NRG3: variants seen among roughly 807,000 people sequenced by gnomAD.
NRG3 encodes pro-neuregulin-3, membrane-bound isoform.
A neutral mutation model predicts 66.9 loss-of-function variants in NRG3; 31 were observed. That is an observed-to-expected ratio of 0.46 (90% CI 0.35 to 0.63). The LOEUF (loss-of-function observed/expected upper bound fraction) is 0.63, where lower values mean the gene tolerates loss of function less well. Among genes scored for constraint, NRG3 ranks in the 20% least tolerant of loss-of-function variants. The probability of loss-of-function intolerance (pLI) is 0.00; values close to 1 mark genes in which losing one functional copy is unlikely to be tolerated. For missense variants in NRG3, 910 were observed against 878.9 expected (o/e 1.04, Z -0.45); for synonymous variants, 393 against 359.4 (o/e 1.09, Z -1.06).
At chr10:82,339,296 C>T (rs2082555891) in intron 1 of NRG3, among the ~76,000 whole-genome samples, 1 of 152,068 alleles carries the variant, frequency 6.6e-6, no homozygotes, top group South Asian at 2.1e-4. Flanking sequence ...GAAGAAATAC[C>T]TGAGACTGGG....
At chr10:82,103,808 CA>C (rs1259829548) in intron 1 of NRG3, among the ~76,000 whole-genome samples, 3 of 151,902 alleles carry the variant, frequency 2.0e-5, no homozygotes, top group Non-Finnish European at 4.4e-5. Flanking sequence ...CTGCCACTAC[CA>C]TTATCATCAC....
intron 2 of NRG3, among the ~76,000 whole-genome samples, chr10:82,534,614 C>T (rs561858521): frequency 6.6e-6 from 1 of 151,954 alleles, no homozygotes; most frequent in African/African-American, 2.4e-5. Flanking sequence ...ATCAAATAGC[C>T]AAATCAATCT....
chr10:82,220,283 T>G (rs569381666), intron 1 of NRG3, among the ~76,000 whole-genome samples: 7 of 152,132 alleles, frequency 4.6e-5, no homozygotes, highest in Non-Finnish European at 8.8e-5. Flanking sequence ...TTAAGGCACC[T>G]AACAATACAG....
At chr10:82,842,225 T>A (rs1261859369) in intron 3 of NRG3, among the ~76,000 whole-genome samples, 1 of 152,122 alleles carries the variant, frequency 6.6e-6, no homozygotes, top group Non-Finnish European at 1.5e-5. Context: ...CACTCCAGCC[T>A]GGGCAACAAA....
chr10:82,150,190 A>C (rs1202606753), intron 1 of NRG3, among the ~76,000 whole-genome samples: 1 of 152,138 alleles, frequency 6.6e-6, no homozygotes, highest in Admixed American at 6.5e-5. Context: ...GATGGATCAG[A>C]GGCTAGGCCA....
intron 1 of NRG3, among the ~76,000 whole-genome samples, chr10:82,119,659 A>G (rs546992611): frequency 1.3e-5 from 2 of 152,264 alleles, no homozygotes; most frequent in African/African-American, 4.8e-5. Context: ...CAAATGATAC[A>G]TAGCTGCCAA....
intron 2 of NRG3, among the ~76,000 whole-genome samples, chr10:82,558,151 G>A (rs1431894188): frequency 6.6e-6 from 1 of 152,178 alleles, no homozygotes; most frequent in African/African-American, 2.4e-5. Flanking sequence ...GAAGGGTGTG[G>A]CCATCTTGAG....
chr10:82,439,433 G>C (rs1279547606), intron 2 of NRG3, among the ~76,000 whole-genome samples: 1 of 151,862 alleles, frequency 6.6e-6, no homozygotes, highest in African/African-American at 2.4e-5. Flanking sequence ...TCTTTTGAGA[G>C]GGGGACAATG....
chr10:82,091,797 C>T (rs916989783), intron 1 of NRG3, among the ~76,000 whole-genome samples: 7 of 152,162 alleles, frequency 4.6e-5, no homozygotes, highest in East Asian at 1.9e-4. Context: ...AATTTCTCCA[C>T]GTTCTCACCG....
chr10:81,972,628 A>G (rs1027023167), intron 1 of NRG3, among the ~76,000 whole-genome samples: 1 of 152,198 alleles, frequency 6.6e-6, no homozygotes, highest in African/African-American at 2.4e-5. Context: ...AACTAATAGA[A>G]ACTATCATGA....
intron 1 of NRG3, among the ~76,000 whole-genome samples, chr10:82,019,896 A>C (rs1216949015): frequency 1.3e-5 from 2 of 151,806 alleles, no homozygotes; most frequent in Non-Finnish European, 2.9e-5. Context: ...CAGCTCCTTG[A>C]TTCATTGATT....
At chr10:82,799,085 G>C (rs1392920081) in intron 3 of NRG3, among the ~76,000 whole-genome samples, 2 of 152,170 alleles carry the variant, frequency 1.3e-5, no homozygotes, top group African/African-American at 2.4e-5. Flanking sequence ...ATAATTTATT[G>C]AGTACCTGCT....
intron 2 of NRG3, among the ~76,000 whole-genome samples, chr10:82,401,854 G>A (rs1021839075): frequency 4.0e-5 from 6 of 151,848 alleles, no homozygotes; most frequent in East Asian, 1.9e-4. Flanking sequence ...ATCAGATATC[G>A]TAATTAATTT....
At chr10:82,597,731 G>A (rs949444772) in intron 2 of NRG3, among the ~76,000 whole-genome samples, 3 of 152,018 alleles carry the variant, frequency 2.0e-5, no homozygotes, top group Non-Finnish European at 4.4e-5. Context: ...GACCATCCTG[G>A]CCAACATGGT....
chr10:82,586,387 G>T (rs1003463730), intron 2 of NRG3, among the ~76,000 whole-genome samples: 2 of 152,142 alleles, frequency 1.3e-5, no homozygotes, highest in Non-Finnish European at 2.9e-5. Flanking sequence ...TCCCAAAATG[G>T]CCTTGAAAGG....
intron 2 of NRG3, among the ~76,000 whole-genome samples, chr10:82,630,058 G>T (rs1167696981): frequency 6.6e-6 from 1 of 152,142 alleles, no homozygotes; most frequent in African/African-American, 2.4e-5. Context: ...CAATAAAAGG[G>T]GTGGGAGCTG....
chr10:82,458,961 C>T (rs2091393714), intron 2 of NRG3, among the ~76,000 whole-genome samples: 1 of 152,132 alleles, frequency 6.6e-6, no homozygotes. Flanking sequence ...CATCAGCCTC[C>T]TGCATTGAGT....
chr10:82,478,047 GC>G (rs1841946427), intron 2 of NRG3, among the ~76,000 whole-genome samples: 1 of 152,090 alleles, frequency 6.6e-6, no homozygotes, highest in South Asian at 2.1e-4. Flanking sequence ...TTTTTAAGAT[GC>G]ATAATTAGTC....
At chr10:82,656,759 A>G (rs2051893724) in intron 2 of NRG3, among the ~76,000 whole-genome samples, 1 of 152,148 alleles carries the variant, frequency 6.6e-6, no homozygotes, top group African/African-American at 2.4e-5. Flanking sequence ...GCGGATCTAA[A>G]ACATTAAGAC....
Sources: allele counts gnomAD v4.1 joint callset (sites outside exome capture counted in the v4.1 genomes callset), GRCh38; gene constraint gnomAD v4.1.1; transcripts MANE v1.5; gene names NCBI Gene and HGNC (gene_info 2026-07-23, HGNC 2026-07-21).